ADRA1B: variants seen among roughly 807,000 people sequenced by gnomAD.
The protein encoded by ADRA1B is alpha-1B adrenergic receptor.
ADRA1B carries 17 observed loss-of-function variants against 17.9 expected under a neutral mutation model. The ratio of observed to expected loss-of-function variants is 0.95; its 90% confidence interval spans 0.65 to 1.42. ADRA1B has a LOEUF of 1.42. Ranked by LOEUF, ADRA1B falls within the 40% of genes most tolerant of loss-of-function variation. The pLI, the probability that ADRA1B is intolerant of heterozygous loss-of-function variation, is 0.00. For missense variants in ADRA1B, 681 were observed against 722.1 expected (o/e 0.94, Z 0.65); for synonymous variants, 366 against 327.6 (o/e 1.12, Z -1.27).
At chr5:159,932,656 G>C (rs1754847249) in intron 1 of ADRA1B, among the ~76,000 whole-genome samples, 1 of 151,996 alleles carries the variant, frequency 6.6e-6, no homozygotes, top group East Asian at 1.9e-4. Context: ...CCCCTCCATG[G>C]AGGCAACCAC....
intron 1 of ADRA1B, among the ~76,000 whole-genome samples, chr5:159,930,139 GAC>G (rs1754760686): frequency 1.3e-5 from 2 of 152,160 alleles, no homozygotes; most frequent in African/African-American, 4.8e-5. Flanking sequence ...CCAGTTGATT[GAC>G]ATTTAGGTTA....
chr5:159,896,613 A>G (rs1271402279), intron 1 of ADRA1B, among the ~76,000 whole-genome samples: 2 of 152,234 alleles, frequency 1.3e-5, no homozygotes, highest in Non-Finnish European at 2.9e-5. Flanking sequence ...GAAACGAAAT[A>G]TGATGTGAAA....
chr5:159,871,820 C>T (rs533001190), intron 1 of ADRA1B, among the ~76,000 whole-genome samples: 53 of 152,236 alleles, frequency 3.5e-4, no homozygotes, highest in Middle Eastern at 3.4e-3. Context: ...TCTTTGAATG[C>T]CAATTTTGAA....
chr5:159,985,926 T>C, the ADRA1B span, among the ~76,000 whole-genome samples: 1 of 152,186 alleles, frequency 6.6e-6, no homozygotes, highest in Non-Finnish European at 1.5e-5. Context: ...AGCATAGCCC[T>C]GAAGGAGAAG....
At chr5:159,877,533 C>T (rs1263301693) in intron 1 of ADRA1B, among the ~76,000 whole-genome samples, 1 of 152,168 alleles carries the variant, frequency 6.6e-6, no homozygotes, top group Non-Finnish European at 1.5e-5. Flanking sequence ...TTTCATATCT[C>T]ATATCTCATT....
At chr5:159,890,738 C>T (rs1753974561) in intron 1 of ADRA1B, among the ~76,000 whole-genome samples, 1 of 152,220 alleles carries the variant, frequency 6.6e-6, no homozygotes, top group Non-Finnish European at 1.5e-5. Flanking sequence ...CCTGGGAATC[C>T]ACGTGGCATC....
rs899201517 is a variant in ADRA1B at position 159,972,186 on chromosome 5, G to C, written c.1257G>C (p.Arg419=). ...GCAGCTGCCTGAGCGGCAGCCAGCG[G>C]ACCCTGCCCTCGGCCTCGCCGAGCC... is the stretch of plus-strand genomic sequence containing the variant. ...DSGSCLSGSQ[R]TLPSASPSPG... is the part of the protein sequence containing the mutation. The change falls in exon 2 of 2, where the codon CGG becomes CGC. Residue 419 remains arginine, a synonymous_variant. Coordinates refer to ENST00000306675, the MANE Select transcript of ADRA1B (RefSeq NM_000679.4). 1 of 1,361,980 alleles carries C rather than the reference G, an allele frequency of 7.3e-7. No homozygotes were observed. The highest frequency in any genetic ancestry group is 9.5e-7 in the Non-Finnish European group (1 of 1,050,996). The allele number at this position is 1,361,980 out of a possible 1,614,324, so 84.4% of individuals were successfully genotyped here.
At chr5:159,876,759 C>T (rs561334686) in intron 1 of ADRA1B, among the ~76,000 whole-genome samples, 41 of 152,268 alleles carry the variant, frequency 2.7e-4, no homozygotes, top group Admixed American at 2.2e-3. Context: ...GAGTGGAATC[C>T]GCCTCTGTGG....
intron 1 of ADRA1B, chr5:159,948,600 GA>G: frequency 2.5e-6 from 1 of 399,000 alleles, no homozygotes; most frequent in Non-Finnish European, 3.4e-6. Context: ...CTGAAATGTT[GA>G]AAACATATTT....
At chr5:159,869,819 G>A (rs2113066738) in intron 1 of ADRA1B, 1 of 152,310 alleles carries the variant, frequency 6.6e-6, no homozygotes, top group African/African-American at 2.4e-5. Flanking sequence ...TTATTGTGAA[G>A]ATAAAAGGAG....
At chr5:159,987,398 C>T in the ADRA1B span, among the ~76,000 whole-genome samples, 2 of 152,240 alleles carry the variant, frequency 1.3e-5, no homozygotes, top group Non-Finnish European at 2.9e-5. Flanking sequence ...CCTTTCCTCG[C>T]CGCCTGGAGC....
At chr5:159,947,640 C>A in intron 1 of ADRA1B, 1 of 881,324 alleles carries the variant, frequency 1.1e-6, no homozygotes, top group Non-Finnish European at 1.4e-6. Context: ...AACGCTAAAG[C>A]TATTCATAAA....
intron 1 of ADRA1B, among the ~76,000 whole-genome samples, chr5:159,932,051 G>T (rs757378105): frequency 6.6e-6 from 1 of 152,216 alleles, no homozygotes; most frequent in Non-Finnish European, 1.5e-5. Context: ...ACACAAGTTG[G>T]ATCACCCAGT....
chr5:159,978,853 G>C, the ADRA1B span, among the ~76,000 whole-genome samples: 22 of 152,278 alleles, frequency 1.4e-4, no homozygotes, highest in Admixed American at 6.5e-4. Context: ...TCACCAAACA[G>C]CACCTGAAAC....
chr5:159,920,682 A>G (rs1754453761), intron 1 of ADRA1B, among the ~76,000 whole-genome samples: 1 of 152,152 alleles, frequency 6.6e-6, no homozygotes, highest in South Asian at 2.1e-4. Context: ...AAGAGCTTCA[A>G]ACAAAGAAGG....
At chr5:159,877,522 C>A (rs532566743) in intron 1 of ADRA1B, among the ~76,000 whole-genome samples, 1 of 151,678 alleles carries the variant, frequency 6.6e-6, no homozygotes, top group Admixed American at 6.6e-5. Context: ...CTTCTAAACA[C>A]TTTCATATCT....
At chr5:159,881,897 C>T (rs891174291) in intron 1 of ADRA1B, among the ~76,000 whole-genome samples, 10 of 152,150 alleles carry the variant, frequency 6.6e-5, no homozygotes, top group Admixed American at 1.3e-4. Context: ...CCATGAAGTC[C>T]TGGAAAGCCT....
chr5:159,900,226 T>C (rs1754087506), intron 1 of ADRA1B, among the ~76,000 whole-genome samples: 1 of 152,216 alleles, frequency 6.6e-6, no homozygotes, highest in African/African-American at 2.4e-5. Context: ...GCATTTATTC[T>C]ACCAGAAGCA....
Position 159,917,748 on chromosome 5 carries a change from C to A in ADRA1B, c.843C>A (p.Val281=). 1 of 1,614,130 alleles carries A rather than the reference C, an allele frequency of 6.2e-7. No individual in the cohort carries two copies. The highest frequency in any genetic ancestry group is 2.2e-5 in the East Asian group (1 of 44,886). Reference sequence around the variant, plus strand: ...ACAACCCCAGGAGTTCCATAGCTGTCAAACTTTTTAAGTTCTCCAGGGAAA... The same window carrying A: ...ACAACCCCAGGAGTTCCATAGCTGTAAAACTTTTTAAGTTCTCCAGGGAAA... ...KGHNPRSSIA[V]KLFKFSREKK... is the part of the protein sequence containing the mutation. The change falls in exon 1 of 2, where the codon GTC becomes GTA. Residue 281 remains valine (V), a synonymous_variant. Coordinates refer to ENST00000306675, the MANE Select transcript of ADRA1B (RefSeq NM_000679.4).
Sources: gnomAD v4.1 joint callset for allele counts (sites outside exome capture counted in the v4.1 genomes callset) on GRCh38, gnomAD v4.1.1 for gene constraint, MANE v1.5 for transcripts, NCBI Gene and HGNC (gene_info 2026-07-23, HGNC 2026-07-21) for gene names.